ANKRD11: variants seen among roughly 807,000 people sequenced by gnomAD.
ANKRD11 encodes the protein ankyrin repeat domain 11, also known as ankyrin repeat domain-containing protein 11.
ANKRD11 carries 17 observed loss-of-function variants against 195.7 expected under a neutral mutation model. The observed-to-expected ratio is 0.09, with a 90% CI of 0.06 to 0.13. The LOEUF (loss-of-function observed/expected upper bound fraction) is 0.13. ANKRD11 is among the 10% of genes least tolerant of loss of function. The probability of loss-of-function intolerance (pLI) is 1.00; values close to 1 mark genes in which losing one functional copy is unlikely to be tolerated. For missense variants in ANKRD11, 3,735 were observed against 3,566.1 expected (o/e 1.05, Z -1.21); for synonymous variants, 1,953 against 1,528.1 (o/e 1.28, Z -6.49).
chr16:89,284,828 T>C lies in ANKRD11; in HGVS notation c.1714A>G (p.Arg572Gly), dbSNP rs1422803095. 4 of 1,613,860 alleles carry C rather than the reference T, an allele frequency of 2.5e-6. No homozygotes were observed. Among genetic ancestry groups the C allele is most frequent in the Non-Finnish European group, 3.4e-6 (4 of 1,180,044 alleles). Residue 572 changes from arginine (R) to glycine (G), a missense_variant, in exon 9 of 13, where the codon AGA becomes GGA. Transcript: ENST00000301030. ...GAGTAGTCAGACTCGCTTGTCAGTC[T>C]CGTCCTTGTGGAGTCTGATAAAGAA... ...VSSLSDSTRT[R>G]LTSESDYSSE...
intron 1 of ANKRD11, among the ~76,000 whole-genome samples, chr16:89,440,691 A>G (rs2043412783): frequency 6.6e-6 from 1 of 152,190 alleles, no homozygotes; most frequent in Non-Finnish European, 1.5e-5. Context: ...AGGGCCCCAA[A>G]AAATCCAACT....
chr16:89,472,544 A>G (rs556279370), intron 1 of ANKRD11, among the ~76,000 whole-genome samples: 18 of 152,262 alleles, frequency 1.2e-4, no homozygotes, highest in South Asian at 2.1e-4. Flanking sequence ...ATTTGAGATG[A>G]GCTCTTGCTC....
chr16:89,409,490 G>A (rs890792630), intron 2 of ANKRD11, among the ~76,000 whole-genome samples: 4 of 152,198 alleles, frequency 2.6e-5, no homozygotes, highest in Admixed American at 6.5e-5. Context: ...ACAGGTGTGA[G>A]GGAGATGAGC....
chr16:89,294,671 A>G (rs557546604), intron 4 of ANKRD11, among the ~76,000 whole-genome samples: 113 of 152,276 alleles, frequency 7.4e-4, no homozygotes, highest in African/African-American at 2.5e-3. Flanking sequence ...CAGCGACACC[A>G]TGGTCTGAGA....
At chr16:89,349,506 A>G (rs2039108319) in intron 2 of ANKRD11, among the ~76,000 whole-genome samples, 1 of 152,152 alleles carries the variant, frequency 6.6e-6, no homozygotes, top group South Asian at 2.1e-4. Context: ...GACCCACATA[A>G]ATATATAGTC....
At chr16:89,305,087 C>T (rs1567613758) in intron 4 of ANKRD11, 119 bp downstream of exon 4, 1 of 1,445,230 alleles carries the variant, frequency 6.9e-7, no homozygotes, top group South Asian at 1.3e-5. Context: ...GGACGGCGTG[C>T]AGGGTGCTAG....
chr16:89,449,960 G>C (rs1473975619), intron 1 of ANKRD11, among the ~76,000 whole-genome samples: 1 of 152,120 alleles, frequency 6.6e-6, no homozygotes, highest in Non-Finnish European at 1.5e-5. Flanking sequence ...CACCCTGAGG[G>C]AGCCCTTCCT....
Position 89,282,162 on chromosome 16 carries a change from C to A in ANKRD11, c.4380G>T (p.Lys1460Asn). 1 of 1,614,110 alleles carries A rather than the reference C, an allele frequency of 6.2e-7. No homozygotes were observed. Among genetic ancestry groups the A allele is most frequent in the South Asian group, 1.1e-5 (1 of 91,080 alleles). ...ATTTCTCCCTGTGTTTCTCTCTCTT[C>A]TTCTTCTCTTTTAGGATGTTGATGG... is the stretch of plus-strand genomic sequence containing the variant. ...SSAINILKEK[K>N]KREKHREKWR... is the part of the protein sequence containing the mutation. Residue 1460 changes from lysine (K) to asparagine (N), a missense_variant, in exon 9 of 13, where the codon AAG becomes AAT. Coordinates refer to ENST00000301030, the MANE Select transcript of ANKRD11 (RefSeq NM_013275.6).
At chr16:89,314,883 A>G (rs558865309) in intron 3 of ANKRD11, among the ~76,000 whole-genome samples, 3 of 152,308 alleles carry the variant, frequency 2.0e-5, no homozygotes, top group African/African-American at 4.8e-5. Context: ...TGTGAAGCGC[A>G]GGCCAGGTTC....
intron 3 of ANKRD11, among the ~76,000 whole-genome samples, chr16:89,305,890 G>A (rs76289802): frequency 0.38 from 5,790 of 15,066 alleles, 2,297 homozygotes; most frequent in Middle Eastern, 0.86. Context: ...CTCCCACTCC[G>A]CAGACACGTG....
chr16:89,460,496 A>G (rs2056615814), intron 1 of ANKRD11, among the ~76,000 whole-genome samples: 2 of 152,000 alleles, frequency 1.3e-5, no homozygotes, highest in South Asian at 4.2e-4. Flanking sequence ...GAGGTGGGGG[A>G]TGCAGTGAGC....
intron 2 of ANKRD11, among the ~76,000 whole-genome samples, chr16:89,338,454 G>A (rs981149984): frequency 4.0e-5 from 6 of 148,868 alleles, no homozygotes; most frequent in African/African-American, 1.5e-4. Flanking sequence ...AGGACCAGGC[G>A]CTGTGGCTCA....
At chr16:89,443,087 G>A (rs2043600662) in intron 1 of ANKRD11, among the ~76,000 whole-genome samples, 1 of 152,094 alleles carries the variant, frequency 6.6e-6, no homozygotes, top group Non-Finnish European at 1.5e-5. Flanking sequence ...CTGCCTCCCA[G>A]GCCCAAGCAA....
intron 2 of ANKRD11, among the ~76,000 whole-genome samples, chr16:89,335,629 C>T (rs936304610): frequency 2.0e-5 from 3 of 152,188 alleles, no homozygotes; most frequent in Non-Finnish European, 4.4e-5. Context: ...CCGTCACACA[C>T]ACAAGCTGAG....
chr16:89,472,213 T>G (rs1409557756), intron 1 of ANKRD11, among the ~76,000 whole-genome samples: 11 of 152,148 alleles, frequency 7.2e-5, no homozygotes. Context: ...AGGACACAGC[T>G]AAGGAAGACA....
chr16:89,437,213 T>C (rs1004473378), intron 1 of ANKRD11, among the ~76,000 whole-genome samples: 1 of 152,198 alleles, frequency 6.6e-6, no homozygotes, highest in Non-Finnish European at 1.5e-5. Flanking sequence ...CGTCCACTTA[T>C]GAAGAGGGCC....
At chr16:89,271,293 A>G (rs914326612) in intron 11 of ANKRD11, 20 of 328,632 alleles carry the variant, frequency 6.1e-5, no homozygotes, top group Admixed American at 3.5e-4. Flanking sequence ...GCTGGAGTGC[A>G]ATGGCGCGAT....
intron 1 of ANKRD11, among the ~76,000 whole-genome samples, chr16:89,489,824 G>A (rs2057755671): frequency 7.1e-6 from 1 of 140,332 alleles, no homozygotes; most frequent in Non-Finnish European, 1.6e-5. Flanking sequence ...GGCCGCCCCG[G>A]GCCCCCACGG....
intron 1 of ANKRD11, among the ~76,000 whole-genome samples, chr16:89,461,753 A>C (rs546058534): frequency 6.6e-6 from 1 of 152,314 alleles, no homozygotes; most frequent in South Asian, 2.1e-4. Context: ...TTCTAAATAA[A>C]TAAGAAGAAA....
Sources: gnomAD v4.1 joint callset for allele counts (sites outside exome capture counted in the v4.1 genomes callset) on GRCh38, gnomAD v4.1.1 for gene constraint, MANE v1.5 for transcripts, NCBI Gene and HGNC (gene_info 2026-07-23, HGNC 2026-07-21) for gene names.